CAMTA1: variants seen among roughly 807,000 people sequenced by gnomAD.
CAMTA1 encodes the protein calmodulin binding transcription activator 1.
CAMTA1 carries 27 observed loss-of-function variants against 170.9 expected under a neutral mutation model. The ratio of observed to expected loss-of-function variants is 0.16; its 90% confidence interval spans 0.12 to 0.22. The LOEUF (loss-of-function observed/expected upper bound fraction) is 0.22. Among genes scored for constraint, CAMTA1 ranks in the 10% least tolerant of loss-of-function variants. The probability of loss-of-function intolerance (pLI) is 1.00; values close to 1 mark genes in which losing one functional copy is unlikely to be tolerated. For missense variants in CAMTA1, 1,619 were observed against 2,217.2 expected (o/e 0.73, Z 5.42); for synonymous variants, 833 against 891.5 (o/e 0.93, Z 1.17).
chr1:7,309,287 ATTTTTTTTTTTTTT>A (rs34401498), intron 5 of CAMTA1, among the ~76,000 whole-genome samples: 2 of 70,548 alleles, frequency 2.8e-5, no homozygotes, highest in East Asian at 1.0e-3. Context: ...CAGTTAGAAA[ATTTTTTTTTTTTTT>A]TTTTTTTTTT....
intron 21 of CAMTA1, 32 bp downstream of exon 21, chr1:7,752,565 A>T: frequency 6.5e-7 from 1 of 1,531,898 alleles, no homozygotes; most frequent in Non-Finnish European, 8.9e-7. Context: ...CATTCTGCTC[A>T]GGGAGAATGA....
At chr1:7,613,796 C>T (rs1463814496) in intron 6 of CAMTA1, among the ~76,000 whole-genome samples, 3 of 134,054 alleles carry the variant, frequency 2.2e-5, no homozygotes, top group Admixed American at 7.6e-5. Context: ...GGGAGCAGAG[C>T]GATGGGTATT....
intron 6 of CAMTA1, among the ~76,000 whole-genome samples, chr1:7,631,879 G>A (rs183554747): frequency 8.5e-5 from 13 of 152,264 alleles, no homozygotes; most frequent in Admixed American, 3.9e-4. Context: ...TGGAACCATC[G>A]TCCCACCTCA....
intron 5 of CAMTA1, among the ~76,000 whole-genome samples, chr1:7,288,631 T>A (rs1672674426): frequency 6.6e-6 from 1 of 151,098 alleles, no homozygotes; most frequent in Non-Finnish European, 1.5e-5. Flanking sequence ...GAAGGAAGAG[T>A]TGGTGAATTG....
Position 7,732,388 on chromosome 1 carries a change from C to T in CAMTA1, c.2915-60C>T. The T allele has an allele frequency of 6.7e-7, 1 of 1,490,874 alleles. No individual in the cohort carries two copies. The highest frequency in any genetic ancestry group is 2.3e-5 in the East Asian group (1 of 44,164). 92.4% of individuals were successfully genotyped at this position (1,490,874 alleles called of 1,614,324 possible). ...GCTGGTCCCGCAAGGCTGGCGAGGC[C>T]ACGTGTTGACTGCTTTTCTTCCAGA... On this transcript the variant is annotated intron_variant, in intron 11 of 22. Coordinates refer to ENST00000303635, the MANE Select transcript of CAMTA1 (RefSeq NM_015215.4). The surrounding 1 kb of genome is among the most constrained non-coding windows in gnomAD (Gnocchi z 4.1).
intron 4 of CAMTA1, among the ~76,000 whole-genome samples, chr1:7,246,193 C>T (rs548285712): frequency 2.6e-5 from 4 of 152,310 alleles, no homozygotes; most frequent in Admixed American, 1.3e-4. Flanking sequence ...ACCAACTCAG[C>T]GTGTATCCTG....
chr1:7,747,944 G>T (rs2096868791), intron 19 of CAMTA1, among the ~76,000 whole-genome samples, 163 bp downstream of exon 19: 1 of 150,938 alleles, frequency 6.6e-6, no homozygotes, highest in Non-Finnish European at 1.5e-5. Flanking sequence ...ACGGAGTCTG[G>T]CTGTGTCGCC....
At chr1:6,873,632 A>G (rs1669020782) in intron 3 of CAMTA1, among the ~76,000 whole-genome samples, 1 of 152,246 alleles carries the variant, frequency 6.6e-6, no homozygotes, top group Non-Finnish European at 1.5e-5. Flanking sequence ...TAATAGGTTA[A>G]GACGAGAAAA....
In CAMTA1 at chr1:7,614,476, A is replaced by G. The variant is rs2150711182; in HGVS notation, c.511-25924A>G. Among the ~76,000 whole-genome samples, 6 of 152,246 alleles carry G rather than the reference A, an allele frequency of 3.9e-5. No individual in the cohort carries two copies. The South Asian group carries it at 1.2e-3, about 32-fold the overall frequency. On this transcript the variant is annotated intron_variant, in intron 6 of 22. Transcript: ENST00000303635. ...AAATTGAAATATTTTGTACGTAATG[A>G]CAATCAAGTCACCGTGCGACCTTCC...
intron 3 of CAMTA1, among the ~76,000 whole-genome samples, chr1:6,999,225 CAT>C (rs769928512): frequency 6.6e-6 from 1 of 152,120 alleles, no homozygotes; most frequent in Non-Finnish European, 1.5e-5. Context: ...CTGATATAAA[CAT>C]AGGGTTTGTC....
At chr1:6,895,538 C>T (rs1260290508) in intron 3 of CAMTA1, among the ~76,000 whole-genome samples, 2 of 152,240 alleles carry the variant, frequency 1.3e-5, no homozygotes, top group African/African-American at 2.4e-5. Context: ...AGCTTAAACC[C>T]TACAGTGACT....
At chr1:7,259,571 C>G (rs1667881009) in intron 5 of CAMTA1, among the ~76,000 whole-genome samples, 1 of 152,210 alleles carries the variant, frequency 6.6e-6, no homozygotes, top group Non-Finnish European at 1.5e-5. Context: ...TGCCTCAGTG[C>G]CTTGCCCCCA....
At chr1:7,302,735 C>A (rs1479740355) in intron 5 of CAMTA1, among the ~76,000 whole-genome samples, 2 of 152,180 alleles carry the variant, frequency 1.3e-5, no homozygotes, top group African/African-American at 4.8e-5. Flanking sequence ...CAAGGGGACC[C>A]TTTGGGGGAG....
chr1:6,968,977 A>G (rs557450881), intron 3 of CAMTA1, among the ~76,000 whole-genome samples: 1 of 152,222 alleles, frequency 6.6e-6, no homozygotes, highest in East Asian at 1.9e-4. Context: ...CCAAGGAGCT[A>G]GTCTGTCTTG....
At position 7,655,093 on chromosome 1, in the gene CAMTA1, C is replaced by T. The variant is rs531930541; in HGVS notation, c.665-6633C>T. Among the ~76,000 whole-genome samples the T allele has an allele frequency of 7.8e-4, 22 of 28,266 alleles. No individual in the cohort carries two copies. The South Asian group carries it at 0.019, about 24-fold the overall frequency. The allele number at this position is 28,266 out of a possible 152,430, so 18.5% of individuals were successfully genotyped here. A position where few individuals can be genotyped will look rare whatever the true frequency, so the allele number is the denominator to read the frequency against. ...ACCTATACACACACACCCACCTATA[C>T]ACACACACCTATACACACACCTATA... is the stretch of plus-strand genomic sequence containing the variant. On this transcript the variant is annotated intron_variant, in intron 7 of 22. Coordinates refer to ENST00000303635, the MANE Select transcript of CAMTA1 (RefSeq NM_015215.4).
chr1:7,465,204 A>G (rs937302986), intron 5 of CAMTA1, among the ~76,000 whole-genome samples: 7 of 152,128 alleles, frequency 4.6e-5, no homozygotes, highest in Non-Finnish European at 1.0e-4. Flanking sequence ...GGATATCTTT[A>G]TTCAAAAAGC....
chr1:7,158,891 AGGCTTGCTAAGAGTGG>A (rs1196324437), intron 4 of CAMTA1, among the ~76,000 whole-genome samples: 2 of 143,818 alleles, frequency 1.4e-5, no homozygotes, highest in African/African-American at 2.5e-5. Flanking sequence ...CCTTTGGGTT[AGGCTTGCTAAGAGTGG>A]GGCTCAAAGA....
At chr1:7,062,875 C>T (rs1261309471) in intron 3 of CAMTA1, among the ~76,000 whole-genome samples, 3 of 152,178 alleles carry the variant, frequency 2.0e-5, no homozygotes, top group Non-Finnish European at 4.4e-5. Context: ...TCCATCTTCA[C>T]GCGGCCTCCC....
intron 3 of CAMTA1, among the ~76,000 whole-genome samples, chr1:6,963,406 C>G (rs1690921212): frequency 1.3e-5 from 2 of 151,704 alleles, no homozygotes; most frequent in South Asian, 4.2e-4. Context: ...ACCCTGTTTT[C>G]CTGGCCTTCA....
Sources: allele counts gnomAD v4.1 joint callset (sites outside exome capture counted in the v4.1 genomes callset), GRCh38; gene constraint gnomAD v4.1.1; non-coding constraint Gnocchi (gnomAD v3.1); transcripts MANE v1.5; gene names NCBI Gene and HGNC (gene_info 2026-07-23, HGNC 2026-07-21).